The following RASGRP3 variants were observed in gnomAD, a reference collection of about 807,000 sequenced individuals.
The protein encoded by RASGRP3 is ras guanyl-releasing protein 3.
RASGRP3 carries 54 observed loss-of-function variants against 82.7 expected under a neutral mutation model. That is an observed-to-expected ratio of 0.65 (90% CI 0.52 to 0.82). RASGRP3 has a LOEUF of 0.82. Among genes scored for constraint, RASGRP3 ranks in the 40% least tolerant of loss-of-function variants. The pLI is 0.00. For synonymous variants in RASGRP3, 309 were observed against 300.5 expected (o/e 1.03, Z -0.29); for missense variants, 861 against 828.9 (o/e 1.04, Z -0.48).
chr2:33,443,672 G>T (rs1459565293), intron 1 of RASGRP3, among the ~76,000 whole-genome samples: 1 of 148,852 alleles, frequency 6.7e-6, no homozygotes, highest in Non-Finnish European at 1.5e-5. Flanking sequence ...CTTGAACCCA[G>T]GTGACCAGCC....
intron 2 of RASGRP3, among the ~76,000 whole-genome samples, chr2:33,456,562 C>G (rs770561659): frequency 4.7e-4 from 71 of 152,278 alleles, no homozygotes; most frequent in Non-Finnish European, 6.6e-4. Flanking sequence ...TGATCTCAGT[C>G]TTCCATCTTA....
chr2:33,519,130 A>C (rs1195650850), intron 4 of RASGRP3, among the ~76,000 whole-genome samples: 6 of 152,192 alleles, frequency 3.9e-5, no homozygotes, highest in African/African-American at 2.4e-5. Flanking sequence ...CCATCACTAC[A>C]AACACATGAG....
chr2:33,526,865 G>T (rs1238095447), intron 9 of RASGRP3, among the ~76,000 whole-genome samples: 2 of 152,166 alleles, frequency 1.3e-5, no homozygotes, highest in African/African-American at 4.8e-5. Context: ...AAGTATACAT[G>T]ATGCCATTTA....
At chr2:33,549,458 G>C (rs1476922784) in intron 13 of RASGRP3, 146 bp from the exon 14 acceptor site, 18 of 771,322 alleles carry the variant, frequency 2.3e-5, no homozygotes, top group Admixed American at 1.8e-4. Context: ...TTTGAGGTTT[G>C]CTCCTTCTCT....
At chr2:33,477,627 A>T (rs1032357472) in intron 1 of RASGRP3, among the ~76,000 whole-genome samples, 1 of 152,242 alleles carries the variant, frequency 6.6e-6, no homozygotes, top group Non-Finnish European at 1.5e-5. Flanking sequence ...GGCGAGCAGC[A>T]AAGCAGGCAC....
At chr2:33,472,843 C>T (rs1195276892), upstream of RASGRP3, among the ~76,000 whole-genome samples, 11 of 133,292 alleles carry the variant, frequency 8.3e-5, no homozygotes, top group African/African-American at 3.2e-4. Context: ...AATCCCAGCA[C>T]TTTGGTGACA....
intron 2 of RASGRP3, among the ~76,000 whole-genome samples, chr2:33,448,571 C>T (rs934140148): frequency 3.3e-5 from 5 of 151,898 alleles, no homozygotes; most frequent in African/African-American, 1.2e-4. Flanking sequence ...CACAAAAGAA[C>T]AAATATTATA....
chr2:33,556,878 C>G (rs1355945609), intron 15 of RASGRP3, among the ~76,000 whole-genome samples: 1 of 131,532 alleles, frequency 7.6e-6, no homozygotes, highest in African/African-American at 2.8e-5. Flanking sequence ...TTTCTATCCT[C>G]ATACCCTAAA....
In RASGRP3 at chr2:33,527,127, C is replaced by G; in HGVS notation, c.808-10C>G. 6.2e-7 allele frequency: 1 copy of G among 1,613,006 alleles called. No individual in the cohort carries two copies. Among genetic ancestry groups the G allele is most frequent in the Admixed American group, 1.7e-5 (1 of 59,966 alleles). On this transcript the variant is annotated splice_polypyrimidine_tract_variant and intron_variant, in intron 9 of 17. Coordinates refer to ENST00000403687, the MANE Select transcript of RASGRP3 (RefSeq NM_001139488.2). ...TTGTTTGAAAATTCTACTTTTCCATCTGTTCCCAGAACTGGAATGAAATGA... is the reference window on the plus strand; with the variant it reads ...TTGTTTGAAAATTCTACTTTTCCATGTGTTCCCAGAACTGGAATGAAATGA...
chr2:33,514,989 C>T, intron 2 of RASGRP3, 21 bp from the exon 3 acceptor site: 2 of 706,930 alleles, frequency 2.8e-6, no homozygotes, highest in Non-Finnish European at 4.9e-6. Context: ...ATAACTTTCT[C>T]TCTTTTTTCT....
At chr2:33,483,128 C>T (rs551967597) in intron 1 of RASGRP3, among the ~76,000 whole-genome samples, 1 of 152,074 alleles carries the variant, frequency 6.6e-6, no homozygotes, top group East Asian at 1.9e-4. Flanking sequence ...CCTTGATGCC[C>T]CTATTGTAAA....
At chr2:33,545,731 G>A (rs1674668844) in intron 13 of RASGRP3, among the ~76,000 whole-genome samples, 1 of 152,106 alleles carries the variant, frequency 6.6e-6, no homozygotes, top group South Asian at 2.1e-4. Context: ...CAATATCACT[G>A]ATAATTAGAG....
chr2:33,561,997 T>C (rs1279347121), intron 17 of RASGRP3, among the ~76,000 whole-genome samples: 1 of 152,200 alleles, frequency 6.6e-6, no homozygotes, highest in South Asian at 2.1e-4. Context: ...GGTTGGGAAA[T>C]GCTGACTAAA....
intron 8 of RASGRP3, 133 bp downstream of exon 8, chr2:33,524,185 A>C: frequency 8.9e-7 from 1 of 1,124,440 alleles, no homozygotes; most frequent in Non-Finnish European, 1.3e-6. Flanking sequence ...ATATCTAATG[A>C]ACAAATCGTA....
Position 33,512,712 on chromosome 2 carries a change from C to A in RASGRP3, c.-128+870C>A, listed in dbSNP as rs566398471. Among the ~76,000 whole-genome samples the A allele has an allele frequency of 3.3e-5, 5 of 152,308 alleles. No homozygotes were observed. The East Asian group carries it at 5.8e-4, about 18-fold the overall frequency. On this transcript the variant is annotated intron_variant, in intron 2 of 17. Transcript: ENST00000403687. ...CTCATATTCAATGACAAACCTCTGA[C>A]AAGTTTCATGATATTCATTTCCTCA...
intron 3 of RASGRP3, among the ~76,000 whole-genome samples, chr2:33,515,854 G>C (rs1478107974): frequency 6.6e-6 from 1 of 152,168 alleles, no homozygotes; most frequent in South Asian, 2.1e-4. Context: ...ATAGAAACCA[G>C]AGTTAAACCA....
At position 33,529,266 on chromosome 2, in the gene RASGRP3, G is replaced by A. The variant is rs759556598; in HGVS notation, c.1083+1854G>A. Among the ~76,000 whole-genome samples, 186 of 151,626 alleles carry A rather than the reference G, an allele frequency of 1.2e-3. 2 individuals are homozygous for A. Among genetic ancestry groups the A allele is most frequent in the Non-Finnish European group, 1.9e-3 (132 of 67,900 alleles). ...TTCCAGCACTTTGGGAGGCCAAGGC[G>A]GGCAGATCACAAGGTCAGGAGATCG... is the stretch of plus-strand genomic sequence containing the variant. On this transcript the variant is annotated intron_variant, in intron 10 of 17. Coordinates refer to ENST00000403687, the MANE Select transcript of RASGRP3 (RefSeq NM_001139488.2).
chr2:33,460,618 A>G (rs1666305938), intron 2 of RASGRP3, among the ~76,000 whole-genome samples: 1 of 151,280 alleles, frequency 6.6e-6, no homozygotes, highest in Non-Finnish European at 1.5e-5. Flanking sequence ...GTGTTCAAGC[A>G]ATTCTCCTAC....
intron 2 of RASGRP3, among the ~76,000 whole-genome samples, chr2:33,465,789 G>A (rs1010135713): frequency 6.6e-6 from 1 of 152,198 alleles, no homozygotes; most frequent in Admixed American, 6.5e-5. Context: ...AATGCAGCTG[G>A]TGACTTTAAG....
Sources: allele counts gnomAD v4.1 joint callset (sites outside exome capture counted in the v4.1 genomes callset), GRCh38; gene constraint gnomAD v4.1.1; transcripts MANE v1.5; gene names NCBI Gene and HGNC (gene_info 2026-07-23, HGNC 2026-07-21).